Variants in EDA observed in about 807,000 individuals in gnomAD.
EDA encodes the protein ectodysplasin A, also known as ectodysplasin-A.
A neutral mutation model predicts 23.6 loss-of-function variants in EDA; 2 were observed. The ratio of observed to expected loss-of-function variants is 0.08; its 90% CI spans 0.03 to 0.27. The LOEUF (loss-of-function observed/expected upper bound fraction) is 0.27. Ranked by LOEUF, EDA falls within the 10% of genes least tolerant of loss-of-function variation. EDA has a pLI of 1.00. For synonymous variants in EDA, 131 were observed against 132.0 expected, an observed-to-expected ratio of 0.99 and a Z score of 0.05; for missense variants, 229 against 324.2, an observed-to-expected ratio of 0.71 and a Z score of 2.26.
At chrX:70,030,436 A>G (rs772312275) in intron 5 of EDA, 33 bp from the exon 6 acceptor site, 1 of 1,175,566 alleles carries the variant, frequency 8.5e-7, no homozygotes, top group Non-Finnish European at 1.2e-6. Context: ...CATTACTCAT[A>G]GTGACTACTC....
At chrX:69,809,822 A>C (rs1210087956) in intron 1 of EDA, among the ~76,000 whole-genome samples, 1 of 111,568 alleles carries the variant, frequency 9.0e-6, no homozygotes, top group Non-Finnish European at 1.9e-5. Context: ...AAATTAATTT[A>C]GAACTGAGGT....
chrX:69,665,485 G>T (rs1044145722), intron 1 of EDA, among the ~76,000 whole-genome samples: 1 of 111,204 alleles, frequency 9.0e-6, no homozygotes, highest in African/African-American at 3.3e-5. Flanking sequence ...ATTTATTATG[G>T]TATAAGCTAA....
intron 1 of EDA, among the ~76,000 whole-genome samples, chrX:69,631,040 A>G (rs867371319): frequency 6.3e-5 from 7 of 111,509 alleles, no homozygotes; most frequent in South Asian, 3.8e-4. Context: ...TTGGTGATCT[A>G]TAAGTTCTCT....
rs183060558 is a variant in EDA at position 69,721,516 on chromosome X, C to G, written c.396+104812C>G. On this transcript the variant is annotated intron_variant, in intron 1 of 7. Coordinates refer to ENST00000374552, the MANE Select transcript of EDA (RefSeq NM_001399.5). ...CTTGGGGGCAAAGGGAAGCTCAGGC[C>G]TGGTGGGGAAAGAGAGTACTTCCCC... Among the ~76,000 whole-genome samples, 4 of 111,441 alleles carry G rather than the reference C, an allele frequency of 3.6e-5. No homozygotes were observed. The East Asian group carries it at 1.1e-3, about 32-fold the overall frequency.
intron 2 of EDA, among the ~76,000 whole-genome samples, chrX:69,969,157 G>A (rs754300601): frequency 1.4e-3 from 152 of 112,383 alleles, no homozygotes; most frequent in South Asian, 1.8e-3. Flanking sequence ...ACAACAAGTC[G>A]TGGGCCTGGC....
intron 1 of EDA, among the ~76,000 whole-genome samples, chrX:69,731,865 T>C (rs1009529846): frequency 8.9e-6 from 1 of 112,222 alleles, no homozygotes; most frequent in Non-Finnish European, 1.9e-5. Context: ...ATTAAATCTT[T>C]CGCCATTAAA....
At chrX:69,803,799 C>T (rs759446443) in intron 1 of EDA, among the ~76,000 whole-genome samples, 2 of 110,015 alleles carry the variant, frequency 1.8e-5, no homozygotes, top group South Asian at 7.8e-4. Context: ...GCAAATTTCT[C>T]CATATCCCTC....
chrX:69,763,309 T>C (rs962417132), intron 1 of EDA, among the ~76,000 whole-genome samples: 1 of 112,015 alleles, frequency 8.9e-6, no homozygotes, highest in Non-Finnish European at 1.9e-5. Flanking sequence ...GAAGAGAAAT[T>C]TGCTTTTCCT....
chrX:69,971,249 G>A (rs2019244130), intron 2 of EDA, among the ~76,000 whole-genome samples: 1 of 112,114 alleles, frequency 8.9e-6, no homozygotes, highest in Non-Finnish European at 1.9e-5. Flanking sequence ...TCATTTCACT[G>A]ATTGCTGTAG....
intron 1 of EDA, among the ~76,000 whole-genome samples, chrX:69,732,770 T>G (rs2013088210): frequency 8.9e-6 from 1 of 112,123 alleles, no homozygotes. Context: ...TGTTGTTTCC[T>G]GACTTTTTAA....
intron 1 of EDA, among the ~76,000 whole-genome samples, chrX:69,703,749 T>C (rs1274058800): frequency 8.9e-6 from 1 of 112,001 alleles, no homozygotes; most frequent in Non-Finnish European, 1.9e-5. Context: ...TTGGTGGAAG[T>C]GGTCTTGCGT....
At chrX:69,977,905 A>G (rs1174463506) in intron 2 of EDA, among the ~76,000 whole-genome samples, 1 of 111,713 alleles carries the variant, frequency 9.0e-6, no homozygotes, top group African/African-American at 3.3e-5. Context: ...ATAACCTCAC[A>G]AGGGTATTGA....
intron 1 of EDA, among the ~76,000 whole-genome samples, chrX:69,789,417 A>G (rs900603692): frequency 1.2e-4 from 13 of 112,528 alleles, no homozygotes; most frequent in African/African-American, 4.2e-4. Flanking sequence ...AAAAGGATTT[A>G]TGAAATCAGC....
intron 1 of EDA, among the ~76,000 whole-genome samples, chrX:69,643,894 G>T (rs1251024328): frequency 1.8e-5 from 2 of 111,051 alleles, no homozygotes; most frequent in African/African-American, 6.5e-5. Context: ...TTTTTGTCAG[G>T]TTTGTTGAAA....
At chrX:69,936,384 T>G (rs1379604252) in intron 1 of EDA, among the ~76,000 whole-genome samples, 1 of 111,508 alleles carries the variant, frequency 9.0e-6, no homozygotes, top group Non-Finnish European at 1.9e-5. Flanking sequence ...GGGGTAAGAC[T>G]GGTTTGAAAA....
At chrX:69,940,792 A>G (rs778631435) in intron 1 of EDA, among the ~76,000 whole-genome samples, 1 of 111,780 alleles carries the variant, frequency 8.9e-6, no homozygotes, top group Admixed American at 9.4e-5. Flanking sequence ...CAAATAATAC[A>G]ATTATACTAT....
chrX:70,029,340 C>T (rs1030657418), intron 4 of EDA, among the ~76,000 whole-genome samples, 164 bp from the exon 5 acceptor site: 3 of 112,464 alleles, frequency 2.7e-5, no homozygotes, highest in Non-Finnish European at 3.8e-5. Context: ...GGGCAGGAAA[C>T]AGAAGGGGTG....
At chrX:69,923,088 C>G (rs2018459580) in intron 1 of EDA, among the ~76,000 whole-genome samples, 1 of 111,580 alleles carries the variant, frequency 9.0e-6, no homozygotes, top group African/African-American at 3.3e-5. Flanking sequence ...GAGTGACTTT[C>G]TTTTTTCCTA....
chrX:69,924,259 G>T (rs1485403591), intron 1 of EDA, among the ~76,000 whole-genome samples: 1 of 111,678 alleles, frequency 9.0e-6, no homozygotes, highest in African/African-American at 3.3e-5. Context: ...GTCCTGAATG[G>T]TATTGCCTAG....
Sources: allele counts gnomAD v4.1 joint callset (sites outside exome capture counted in the v4.1 genomes callset), GRCh38; gene constraint gnomAD v4.1.1; transcripts MANE v1.5; gene names NCBI Gene and HGNC (gene_info 2026-07-23, HGNC 2026-07-21).